The following EYA2 variants were observed in gnomAD, a reference collection of about 807,000 sequenced individuals.
EYA2 encodes EYA transcriptional coactivator and phosphatase 2, also known as protein phosphatase EYA2.
EYA2 carries 31 observed loss-of-function variants against 69.2 expected under a neutral mutation model. The ratio of observed to expected loss-of-function variants is 0.45; its 90% CI spans 0.34 to 0.60. EYA2 has a LOEUF of 0.60. Among genes scored for constraint, EYA2 ranks in the 20% least tolerant of loss-of-function variants. The pLI is 0.02. For missense variants in EYA2, 622 were observed against 701.2 expected (o/e 0.89, Z 1.28); for synonymous variants, 257 against 279.4 (o/e 0.92, Z 0.80).
intron 5 of EYA2, among the ~76,000 whole-genome samples, chr20:47,056,769 G>A (rs116800995): frequency 0.012 from 1,881 of 152,270 alleles, 32 homozygotes; most frequent in African/African-American, 0.042. Context: ...TCAGGACTGG[G>A]CATGGTGGCT....
intron 7 of EYA2, among the ~76,000 whole-genome samples, chr20:47,083,862 G>A (rs1268453443): frequency 6.6e-6 from 1 of 152,188 alleles, no homozygotes; most frequent in African/African-American, 2.4e-5. Flanking sequence ...AAAAATAATT[G>A]CAAGGCATAT....
At chr20:47,103,830 A>G (rs541706802) in intron 9 of EYA2, among the ~76,000 whole-genome samples, 1 of 152,342 alleles carries the variant, frequency 6.6e-6, no homozygotes, top group South Asian at 2.1e-4. Flanking sequence ...TGGATAAACT[A>G]TATTTTGTCT....
intron 11 of EYA2, 150 bp from the exon 12 acceptor site, chr20:47,172,557 C>T (rs2034342367): frequency 1.5e-6 from 1 of 666,614 alleles, no homozygotes; most frequent in African/African-American, 1.8e-5. Flanking sequence ...TGCTGCCCCC[C>T]AAATGCACAC....
intron 10 of EYA2, among the ~76,000 whole-genome samples, chr20:47,154,773 T>G (rs1249653550): frequency 6.6e-6 from 1 of 151,710 alleles, no homozygotes; most frequent in East Asian, 2.0e-4. Context: ...AACAAATATT[T>G]TTCATCTCTT....
intron 5 of EYA2, among the ~76,000 whole-genome samples, chr20:47,053,938 C>T (rs1316993198): frequency 6.6e-6 from 1 of 151,812 alleles, no homozygotes; most frequent in Non-Finnish European, 1.5e-5. Flanking sequence ...CAGTCAGCAT[C>T]CCAGCTCGGA....
intron 4 of EYA2, among the ~76,000 whole-genome samples, chr20:47,008,427 T>A (rs936170791): frequency 6.6e-6 from 1 of 152,212 alleles, no homozygotes. Context: ...GGGGATTACC[T>A]ATGACAGACC....
At chr20:47,080,408 C>A (rs2031667375) in intron 7 of EYA2, among the ~76,000 whole-genome samples, 1 of 130,862 alleles carries the variant, frequency 7.6e-6, no homozygotes, top group Admixed American at 9.0e-5. Flanking sequence ...CCACAGGTAT[C>A]AGGTGAAGGA....
intron 9 of EYA2, among the ~76,000 whole-genome samples, chr20:47,124,958 T>C (rs1600726180): frequency 2.0e-5 from 3 of 152,082 alleles, no homozygotes; most frequent in South Asian, 4.1e-4. Flanking sequence ...CTTTGTTCTC[T>C]TAAATTTGAC....
chr20:47,074,919 C>T (rs2868859), intron 7 of EYA2, among the ~76,000 whole-genome samples: 49,352 of 152,046 alleles, frequency 0.32, 8,124 homozygotes, highest in East Asian at 0.38. Flanking sequence ...CGAGACCAGC[C>T]TGGCCAACAT....
intron 9 of EYA2, among the ~76,000 whole-genome samples, chr20:47,098,640 C>T (rs562419670): frequency 5.3e-5 from 8 of 152,242 alleles, no homozygotes; most frequent in Non-Finnish European, 1.0e-4. Flanking sequence ...CTGGCCCATG[C>T]CATTCCTCAC....
intron 1 of EYA2, among the ~76,000 whole-genome samples, chr20:46,959,271 G>C (rs772290315): frequency 6.6e-6 from 1 of 152,210 alleles, no homozygotes; most frequent in Non-Finnish European, 1.5e-5. Flanking sequence ...TGTGTACATA[G>C]AGCCCTTCCC....
intron 1 of EYA2, among the ~76,000 whole-genome samples, chr20:46,988,025 AT>A (rs1251477186): frequency 1.5e-5 from 2 of 137,536 alleles, no homozygotes; most frequent in Non-Finnish European, 3.1e-5. Flanking sequence ...CAGAATAAAA[AT>A]AATATATGTT....
chr20:47,111,211 T>C (rs1053206734), intron 9 of EYA2, among the ~76,000 whole-genome samples: 2 of 152,136 alleles, frequency 1.3e-5, no homozygotes, highest in African/African-American at 4.8e-5. Flanking sequence ...TCTGAATGCA[T>C]TGAGAGGATT....
intron 10 of EYA2, among the ~76,000 whole-genome samples, chr20:47,163,695 T>A (rs750949129): frequency 2.0e-5 from 1 of 50,126 alleles, no homozygotes; most frequent in African/African-American, 9.3e-5. Context: ...CAAAACACTG[T>A]CTCAAAAAAA....
chr20:47,037,487 A>T (rs1376387753), intron 5 of EYA2, among the ~76,000 whole-genome samples: 1 of 152,230 alleles, frequency 6.6e-6, no homozygotes, highest in Non-Finnish European at 1.5e-5. Flanking sequence ...ATAACAAATT[A>T]CCACAAACTT....
intron 12 of EYA2, among the ~76,000 whole-genome samples, chr20:47,173,465 A>G (rs1038248515): frequency 1.4e-5 from 2 of 145,390 alleles, no homozygotes; most frequent in Admixed American, 7.0e-5. Flanking sequence ...GTGACCCAAG[A>G]TTACACCACT....
chr20:47,011,299 C>T (rs1983042508), intron 4 of EYA2, among the ~76,000 whole-genome samples: 1 of 152,166 alleles, frequency 6.6e-6, no homozygotes, highest in Non-Finnish European at 1.5e-5. Flanking sequence ...GTACTCTGGG[C>T]TGTGCCATGT....
chr20:47,182,203 C>T (rs965713208), intron 14 of EYA2, among the ~76,000 whole-genome samples: 39 of 151,868 alleles, frequency 2.6e-4, no homozygotes, highest in African/African-American at 5.1e-4. Context: ...TTAGTAGAGA[C>T]GGGGTTTCAC....
At chr20:47,159,131 C>A (rs6066217) in intron 10 of EYA2, among the ~76,000 whole-genome samples, 6 of 151,984 alleles carry the variant, frequency 3.9e-5, no homozygotes, top group Non-Finnish European at 5.9e-5. Flanking sequence ...CGCATAGTGA[C>A]TTCTTTCCAA....
Sources: allele counts gnomAD v4.1 joint callset (sites outside exome capture counted in the v4.1 genomes callset), GRCh38; gene constraint gnomAD v4.1.1; transcripts MANE v1.5; gene names NCBI Gene and HGNC (gene_info 2026-07-23, HGNC 2026-07-21).